LTBP1: variants seen among roughly 807,000 people sequenced by gnomAD.
LTBP1 encodes latent-transforming growth factor beta-binding protein 1.
A neutral mutation model predicts 207.6 loss-of-function variants in LTBP1; 129 were observed. That is an observed-to-expected ratio of 0.62 (90% CI 0.54 to 0.72). LTBP1 has a LOEUF of 0.72. Ranked by LOEUF, LTBP1 falls within the 30% of genes least tolerant of loss-of-function variation. The pLI is 0.00. For missense variants in LTBP1, 2,281 were observed against 2,217.2 expected, an observed-to-expected ratio of 1.03 and a Z score of -0.58; for synonymous variants, 963 against 833.7, an observed-to-expected ratio of 1.16 and a Z score of -2.67.
intron 22 of LTBP1, among the ~76,000 whole-genome samples, chr2:33,303,171 A>G (rs916591065): frequency 6.6e-6 from 1 of 152,004 alleles, no homozygotes; most frequent in African/African-American, 2.4e-5. Flanking sequence ...GGAGACATTT[A>G]TGGAAGAATC....
intron 33 of LTBP1, 28 bp downstream of exon 33, chr2:33,397,310 A>G (rs768162661): frequency 2.3e-5 from 37 of 1,611,900 alleles, no homozygotes; most frequent in Non-Finnish European, 3.0e-5. Context: ...TTTATGGGAC[A>G]TTAATTTTTT....
intron 8 of LTBP1, among the ~76,000 whole-genome samples, chr2:33,219,975 T>G (rs1197385106): frequency 6.6e-6 from 1 of 152,202 alleles, no homozygotes; most frequent in Non-Finnish European, 1.5e-5. Context: ...CTCTGTATTT[T>G]AATCTTGATA....
At chr2:32,973,021 G>C (rs1046620234) in intron 2 of LTBP1, among the ~76,000 whole-genome samples, 19 of 152,036 alleles carry the variant, frequency 1.2e-4, no homozygotes, top group African/African-American at 4.3e-4. Flanking sequence ...TATTATTTTG[G>C]TTTTTTTGAA....
chr2:32,960,408 AAT>A, intron 2 of LTBP1, among the ~76,000 whole-genome samples: 1 of 152,136 alleles, frequency 6.6e-6, no homozygotes, highest in Middle Eastern at 3.5e-3. Flanking sequence ...GGAATGAATG[AAT>A]GAATGAATGA....
At position 33,111,768 on chromosome 2, in the gene LTBP1, C is replaced by T. The variant is rs145392594; in HGVS notation, c.1033+1017C>T. On this transcript the variant is annotated intron_variant, in intron 4 of 33. Coordinates refer to ENST00000404816, the MANE Select transcript of LTBP1 (RefSeq NM_206943.4). ...TTTTGAGAAAGTCCTGCTCAGTGAC[C>T]GGTGGCTAGACCCCAGAACAATAGT... Among the ~76,000 whole-genome samples the T allele has an allele frequency of 1.4e-3, 214 of 152,202 alleles. 1 individual carries two copies. Among genetic ancestry groups the T allele is most frequent in the African/African-American group, 4.5e-3 (187 of 41,522 alleles).
intron 32 of LTBP1, among the ~76,000 whole-genome samples, chr2:33,394,944 T>C (rs569175419): frequency 1.3e-5 from 2 of 152,298 alleles, no homozygotes; most frequent in Admixed American, 6.5e-5. Context: ...CCTGCGTTAG[T>C]TTGCTAAGGA....
intron 2 of LTBP1, among the ~76,000 whole-genome samples, chr2:32,993,969 A>AGTGTGT (rs70938383): frequency 0.22 from 29,913 of 138,184 alleles, 3,444 homozygotes; most frequent in East Asian, 0.39. Context: ...CAGTTAGGGG[A>AGTGTGT]GTGTGTGTGT....
intron 5 of LTBP1, among the ~76,000 whole-genome samples, chr2:33,166,058 G>A (rs1409724485): frequency 7.3e-6 from 1 of 137,264 alleles, no homozygotes; most frequent in African/African-American, 2.7e-5. Context: ...CCCTCTATGA[G>A]TAATGTATGT....
chr2:33,365,615 T>A, intron 31 of LTBP1, 112 bp downstream of exon 31: 1 of 991,580 alleles, frequency 1.0e-6, no homozygotes, highest in Non-Finnish European at 1.5e-6. Flanking sequence ...CCTGATATCT[T>A]ACTTTCATCC....
chr2:33,375,977 C>A (rs1273942258), intron 31 of LTBP1, among the ~76,000 whole-genome samples: 3 of 152,050 alleles, frequency 2.0e-5, no homozygotes, highest in East Asian at 3.8e-4. Flanking sequence ...AAAATAAGAT[C>A]AATTTTATTT....
intron 2 of LTBP1, among the ~76,000 whole-genome samples, chr2:33,010,616 A>G (rs924707891): frequency 1.3e-4 from 20 of 152,216 alleles, no homozygotes; most frequent in Non-Finnish European, 2.4e-4. Flanking sequence ...GCAGGTAACA[A>G]GATATCACAT....
intron 3 of LTBP1, among the ~76,000 whole-genome samples, chr2:33,044,113 T>A (rs2076328109): frequency 6.8e-6 from 1 of 146,326 alleles, no homozygotes; most frequent in African/African-American, 2.5e-5. Flanking sequence ...AATAGAGTTG[T>A]TAAAGGAAAA....
At chr2:33,126,761 A>C (rs961336695) in intron 4 of LTBP1, among the ~76,000 whole-genome samples, 1 of 152,186 alleles carries the variant, frequency 6.6e-6, no homozygotes, top group African/African-American at 2.4e-5. Flanking sequence ...GTAGTCCCAT[A>C]GGGGGAGTAG....
At chr2:32,963,175 T>G (rs981307473) in intron 2 of LTBP1, among the ~76,000 whole-genome samples, 2 of 152,186 alleles carry the variant, frequency 1.3e-5, no homozygotes, top group African/African-American at 4.8e-5. Flanking sequence ...TGCAATCGGA[T>G]AAGATGTAGC....
At chr2:33,131,863 A>G (rs993453620) in intron 4 of LTBP1, among the ~76,000 whole-genome samples, 4 of 152,248 alleles carry the variant, frequency 2.6e-5, no homozygotes, top group Admixed American at 6.5e-5. Context: ...GCAAAGAAAT[A>G]TAAGAAGTTT....
chr2:33,292,491 T>G (rs551714330), intron 19 of LTBP1, among the ~76,000 whole-genome samples: 1 of 152,340 alleles, frequency 6.6e-6, no homozygotes, highest in South Asian at 2.1e-4. Context: ...ATAAGGATTT[T>G]GTTCGGATTA....
intron 2 of LTBP1, among the ~76,000 whole-genome samples, chr2:32,995,779 ACT>A (rs1375078360): frequency 6.6e-6 from 1 of 152,146 alleles, no homozygotes; most frequent in East Asian, 1.9e-4. Context: ...ACAGAGCGAG[ACT>A]CTGTCTCAAA....
intron 10 of LTBP1, among the ~76,000 whole-genome samples, chr2:33,247,884 T>G (rs2092560862): frequency 6.6e-6 from 1 of 152,260 alleles, no homozygotes; most frequent in Non-Finnish European, 1.5e-5. Flanking sequence ...GCTTTCCAGC[T>G]TTTCCGTTAA....
At position 33,030,799 on chromosome 2, in the gene LTBP1, T is replaced by C. The variant is rs532107903; in HGVS notation, c.863+9593T>C. ...AATGAGTCTTTAATAAATAAATTGC[T>C]GTCTGTGAAGTCTTAGTGGCTTTGA... On this transcript the variant is annotated intron_variant, in intron 3 of 33. Coordinates refer to ENST00000404816, the MANE Select transcript of LTBP1 (RefSeq NM_206943.4). Among the ~76,000 whole-genome samples the C allele has an allele frequency of 4.1e-4, 63 of 152,340 alleles. No individual in the cohort carries two copies. The South Asian group carries it at 0.012, about 30-fold the overall frequency.
Sources: allele counts gnomAD v4.1 joint callset (sites outside exome capture counted in the v4.1 genomes callset), GRCh38; gene constraint gnomAD v4.1.1; transcripts MANE v1.5; gene names NCBI Gene and HGNC (gene_info 2026-07-23, HGNC 2026-07-21).